The following RGS9 variants were observed in gnomAD, a reference collection of about 807,000 sequenced individuals.
RGS9 encodes regulator of G-protein signalling 9.
In RGS9, 78 loss-of-function variants were observed where a neutral mutation model predicts 102.0. The observed-to-expected ratio is 0.76, with a 90% CI of 0.64 to 0.92. The LOEUF (loss-of-function observed/expected upper bound fraction) is 0.92. Among genes scored for constraint, RGS9 ranks in the 40% least tolerant of loss-of-function variants. The pLI, the probability that RGS9 is intolerant of heterozygous loss-of-function variation, is 0.00. For synonymous variants in RGS9, 353 were observed against 318.6 expected (o/e 1.11, Z -1.15); for missense variants, 833 against 866.1 (o/e 0.96, Z 0.48).
chr17:65,158,409 T>C (rs1189067680), intron 3 of RGS9, 64 bp downstream of exon 3: 6 of 1,395,130 alleles, frequency 4.3e-6, no homozygotes, highest in Non-Finnish European at 6.1e-6. Context: ...TGGGAGAAAC[T>C]AAATAGAGAC....
chr17:65,172,635 G>T (rs1421427824), intron 8 of RGS9, among the ~76,000 whole-genome samples: 2 of 152,168 alleles, frequency 1.3e-5, no homozygotes. Context: ...GGGATATTTG[G>T]ATTATGAGCC....
chr17:65,204,960 T>A (rs1028312115), intron 15 of RGS9, among the ~76,000 whole-genome samples: 1 of 152,164 alleles, frequency 6.6e-6, no homozygotes, highest in African/African-American at 2.4e-5. Context: ...GTGATGGCAA[T>A]TCTCACCACC....
rs762618673 is a variant in RGS9 at position 65,189,290 on chromosome 17, A to T, written c.659A>T (p.Gln220Leu). The change falls in exon 10 of 19, where the codon CAA (glutamine) becomes CTA (leucine). Residue 220 changes from glutamine to leucine, a missense_variant. By Grantham distance (113) the Gln-to-Leu change is moderately radical. Around this residue, in one of 3 missense-constraint regions of RGS9, gnomAD observed 328 missense variants for 340.6 expected, o/e 0.96. Transcript: ENST00000262406. The part of the protein sequence containing the change: ...NPNEVKVNQK[Q>L]TVVAVKKEIM... The stretch of plus-strand genomic sequence containing the variant: ...TTTTGTTTCTTTGTCTTACAGAAAC[A>T]AACAGTCGTTGCTGTCAAAAAAGAG... 1 of 1,612,554 alleles carries T rather than the reference A, an allele frequency of 6.2e-7. No homozygotes were observed. Among genetic ancestry groups the T allele is most frequent in the Admixed American group, 1.7e-5 (1 of 60,016 alleles).
chr17:65,215,067 C>T (rs1913436906), intron 17 of RGS9, among the ~76,000 whole-genome samples: 1 of 152,192 alleles, frequency 6.6e-6, no homozygotes, highest in Non-Finnish European at 1.5e-5. Context: ...CTAGACACAG[C>T]ATGGGCTTGC....
Position 65,227,580 on chromosome 17 carries a change from C to A in RGS9, c.*173C>A. 1 of 853,574 alleles carries A rather than the reference C, an allele frequency of 1.2e-6. No individual in the cohort carries two copies. The highest frequency in any genetic ancestry group is 1.8e-6 in the Non-Finnish European group (1 of 541,998). 52.9% of individuals were successfully genotyped at this position (853,574 alleles called of 1,614,324 possible). ...GGCAAAGAATGCTCTGGCTGGTTAC[C>A]AGGGGCCAACTCCTTCTCCTCTTCC... On this transcript the variant is annotated 3_prime_UTR_variant, in exon 19 of 19. Transcript: ENST00000262406.
At chr17:65,169,785 T>G (rs548133035) in intron 8 of RGS9, among the ~76,000 whole-genome samples, 1 of 152,198 alleles carries the variant, frequency 6.6e-6, no homozygotes, top group South Asian at 2.1e-4. Context: ...TGATGCTGAA[T>G]CACATAAATA....
intron 6 of RGS9, 116 bp from the exon 7 acceptor site, chr17:65,162,882 AGATACCATCGGGCTG>A (rs1325916299): frequency 7.6e-5 from 52 of 684,806 alleles, no homozygotes; most frequent in Middle Eastern, 2.5e-4. Flanking sequence ...AAACCAGCTT[AGATACCATCGGGCTG>A]GGTCCATGGT....
chr17:65,166,192 T>G (rs1911173725), intron 7 of RGS9, among the ~76,000 whole-genome samples: 1 of 152,240 alleles, frequency 6.6e-6, no homozygotes, highest in Non-Finnish European at 1.5e-5. Flanking sequence ...TTTTATGGCC[T>G]GGCCTCAGAA....
chr17:65,158,098 T>C (rs1910836783), intron 2 of RGS9, among the ~76,000 whole-genome samples, 197 bp from the exon 3 acceptor site: 2 of 151,868 alleles, frequency 1.3e-5, no homozygotes, highest in African/African-American at 4.8e-5. Context: ...TCTGCTGGAG[T>C]CAGATCATGG....
At chr17:65,179,578 T>TGG (rs11408832) in intron 9 of RGS9, among the ~76,000 whole-genome samples, 1 of 143,708 alleles carries the variant, frequency 7.0e-6, no homozygotes, top group Admixed American at 6.9e-5. Context: ...CATTCTGAGA[T>TGG]GGGGGGGTGG....
At chr17:65,218,107 G>T (rs1913578464) in intron 17 of RGS9, among the ~76,000 whole-genome samples, 1 of 152,184 alleles carries the variant, frequency 6.6e-6, no homozygotes. Flanking sequence ...GAGGGAAGAA[G>T]TGTCTCCTCT....
intron 1 of RGS9, among the ~76,000 whole-genome samples, chr17:65,140,358 G>A (rs995729134): frequency 3.9e-5 from 6 of 152,174 alleles, no homozygotes; most frequent in African/African-American, 1.4e-4. Flanking sequence ...CAGGCAGAGG[G>A]AACAGTTTAC....
At chr17:65,197,673 T>C (rs1052641393) in intron 13 of RGS9, among the ~76,000 whole-genome samples, 1 of 146,136 alleles carries the variant, frequency 6.8e-6, no homozygotes, top group African/African-American at 2.5e-5. Flanking sequence ...TGTTTCTTTC[T>C]TTTTTTTTTT....
chr17:65,187,992 TCAACAACAACAGCAATAA>T (rs2144058894), intron 9 of RGS9, among the ~76,000 whole-genome samples: 1 of 152,210 alleles, frequency 6.6e-6, no homozygotes, highest in East Asian at 1.9e-4. Context: ...AGACTCTGTC[TCAACAACAACAGCAATAA>T]CAACAACAAC....
chr17:65,203,889 G>A (rs1208112671), intron 14 of RGS9, among the ~76,000 whole-genome samples: 4 of 152,144 alleles, frequency 2.6e-5, no homozygotes, highest in African/African-American at 4.8e-5. Context: ...GACCTAATCC[G>A]ACCTGGGCCC....
In RGS9 at chr17:65,227,293, G is replaced by C. The variant is rs1193622030; in HGVS notation, c.1911G>C (p.Met637Ile). The change falls in exon 19 of 19, where the codon ATG (methionine) becomes ATC (isoleucine). Residue 637 changes from methionine (M) to isoleucine (I), a missense_variant. Met to Ile is a conservative substitution (Grantham distance 10). Transcript: ENST00000262406. ...CCTGAAGCTTTTTCCAGATCAAAATGGATGTGCCCACGGGGAGCGGGACCT... is the reference window on the plus strand; with the variant it reads ...CCTGAAGCTTTTTCCAGATCAAAATCGATGTGCCCACGGGGAGCGGGACCT... ...KRVANFFQIK[M>I]DVPTGSGTCL... 1 of 1,614,054 alleles carries C rather than the reference G, an allele frequency of 6.2e-7. No individual in the cohort carries two copies. The highest frequency in any genetic ancestry group is 2.2e-5 in the East Asian group (1 of 44,892).
At chr17:65,186,008 A>T (rs1912100332) in intron 9 of RGS9, among the ~76,000 whole-genome samples, 1 of 152,094 alleles carries the variant, frequency 6.6e-6, no homozygotes, top group African/African-American at 2.4e-5. Flanking sequence ...AGAAAGCTTG[A>T]TGCTGGGGTC....
In RGS9 at chr17:65,160,552, C is replaced by T; in HGVS notation, c.329C>T (p.Pro110Leu). ...LYRFQTPYFWPTQQWPAEDTD... is the reference protein window; with the variant it reads ...LYRFQTPYFWLTQQWPAEDTD... The stretch of plus-strand genomic sequence containing the variant: ...CTTTTGCAGACACCGTATTTCTGGC[C>T]CACCCAGCAGTGGCCAGCTGAAGAT... The change falls in exon 5 of 19, where the codon CCC becomes CTC. Residue 110 changes from proline (P) to leucine (L), a missense_variant. By Grantham distance (98) the Pro-to-Leu change is moderately conservative (BLOSUM62 -3). Around this residue, in one of 3 missense-constraint regions of RGS9, gnomAD observed 328 missense variants for 340.6 expected, o/e 0.96. Transcript: ENST00000262406. The T allele has an allele frequency of 6.2e-7, 1 of 1,614,156 alleles. No homozygotes were observed. Among genetic ancestry groups the T allele is most frequent in the Non-Finnish European group, 8.5e-7 (1 of 1,180,034 alleles).
At position 65,201,973 on chromosome 17, in the gene RGS9, G is replaced by A. The variant is rs767331715; in HGVS notation, c.977-20G>A. ...TATTTCCTGCCCGGCCCTCATCCAC[G>A]TGGACTTCTCACCATGCAGGAGAGA... On this transcript the variant is annotated intron_variant, in intron 13 of 18. Coordinates refer to ENST00000262406, the MANE Select transcript of RGS9 (RefSeq NM_003835.4). 1.9e-5 allele frequency: 30 copies of A among 1,565,236 alleles called. No homozygotes were observed. The Admixed American group carries it at 3.3e-4, about 17-fold the overall frequency.
Sources: gnomAD v4.1 joint callset for allele counts (sites outside exome capture counted in the v4.1 genomes callset) on GRCh38, gnomAD v4.1.1 for gene constraint, gnomAD v4.1.1 regional missense constraint, MANE v1.5 for transcripts, NCBI Gene and HGNC (gene_info 2026-07-23, HGNC 2026-07-21) for gene names.